Variants in WIPI1 observed in about 807,000 individuals in gnomAD.
WIPI1 encodes the protein WD repeat domain, phosphoinositide interacting 1.
Under a neutral mutation model 55.3 loss-of-function variants are expected in WIPI1, and 45 were observed. The observed-to-expected ratio is 0.81, with a 90% CI of 0.64 to 1.04. The LOEUF is 1.04. Among genes scored for constraint, WIPI1 ranks in the 50% least tolerant of loss-of-function variants. WIPI1 has a pLI of 0.00. For missense variants in WIPI1, 445 were observed against 559.0 expected, an observed-to-expected ratio of 0.80 and a Z score of 2.06; for synonymous variants, 195 against 217.6, an observed-to-expected ratio of 0.90 and a Z score of 0.92.
In WIPI1 at chr17:68,434,629, G is replaced by C; in HGVS notation, c.622-3C>G. ...GAGAACACCCGGATGACTGTGCCCT[G>C]GAAAAGAAAGCAGGTGGACATTTCA... On this transcript the variant is annotated splice_region_variant and splice_polypyrimidine_tract_variant and intron_variant, in intron 6 of 12. Transcript: ENST00000262139. 1 of 1,613,872 alleles carries C rather than the reference G, an allele frequency of 6.2e-7. No individual in the cohort carries two copies. The highest frequency in any genetic ancestry group is 8.5e-7 in the Non-Finnish European group (1 of 1,179,842).
chr17:68,430,081 C>T lies in WIPI1; in HGVS notation c.880G>A (p.Val294Met), dbSNP rs1306779373. Residue 294 changes from valine to methionine, a missense_variant, in exon 9 of 13, where the codon GTG becomes ATG. Transcript: ENST00000262139. ...MAATNYLPTQ[V>M]SDMMHQDRAF... ...CTGTCCTGATGCATCATGTCTGACACCTGGGTAGGGAGGTAGTTGGTAGCA... is the reference window on the plus strand; with the variant it reads ...CTGTCCTGATGCATCATGTCTGACATCTGGGTAGGGAGGTAGTTGGTAGCA... 3 of 1,614,150 alleles carry T rather than the reference C, an allele frequency of 1.9e-6. No homozygotes were observed. The highest frequency in any genetic ancestry group is 2.5e-6 in the Non-Finnish European group (3 of 1,180,028).
intron 12 of WIPI1, among the ~76,000 whole-genome samples, chr17:68,425,244 C>T (rs554504470): frequency 4.9e-4 from 75 of 152,234 alleles, no homozygotes; most frequent in Non-Finnish European, 1.6e-4. Flanking sequence ...CACTCTTTCA[C>T]CTAGGCTGGA....
At chr17:68,449,392 G>T (rs2084409106) in intron 3 of WIPI1, among the ~76,000 whole-genome samples, 1 of 152,186 alleles carries the variant, frequency 6.6e-6, no homozygotes, top group Non-Finnish European at 1.5e-5. Context: ...CACTCTGCGA[G>T]GCCAAGGAGG....
At chr17:68,446,077 T>C (rs2084272118) in intron 3 of WIPI1, among the ~76,000 whole-genome samples, 1 of 152,204 alleles carries the variant, frequency 6.6e-6, no homozygotes, top group African/African-American at 2.4e-5. Flanking sequence ...GCTCTGCTCC[T>C]GGGAAAAGCC....
chr17:68,455,743 T>C (rs2148005215), intron 1 of WIPI1, among the ~76,000 whole-genome samples: 1 of 152,372 alleles, frequency 6.6e-6, no homozygotes, highest in South Asian at 2.1e-4. Flanking sequence ...ATTCAATTTC[T>C]GTAGAAAGCT....
At chr17:68,450,937 A>T in intron 2 of WIPI1, 40 bp from the exon 3 acceptor site, 1 of 1,579,500 alleles carries the variant, frequency 6.3e-7, no homozygotes, top group South Asian at 1.2e-5. Context: ...TGGATTGATC[A>T]CTTCCAAGAA....
intron 4 of WIPI1, among the ~76,000 whole-genome samples, chr17:68,442,278 A>T (rs2084110336): frequency 6.6e-6 from 1 of 152,118 alleles, no homozygotes; most frequent in African/African-American, 2.4e-5. Context: ...AGCCTGGCCA[A>T]CATGGTGAAA....
At chr17:68,426,052 A>C (rs2083149230) in intron 12 of WIPI1, 23 bp downstream of exon 12, 1 of 1,605,228 alleles carries the variant, frequency 6.2e-7, no homozygotes, top group African/African-American at 1.3e-5. Context: ...TGAGCCGCCC[A>C]GTTACGGGTT....
intron 1 of WIPI1, among the ~76,000 whole-genome samples, chr17:68,457,027 C>T (rs2084660779): frequency 6.6e-6 from 1 of 152,200 alleles, no homozygotes; most frequent in African/African-American, 2.4e-5. Context: ...TGGTCACTGG[C>T]TTTCCCACCG....
chr17:68,450,453 C>T (rs953262992), intron 3 of WIPI1, among the ~76,000 whole-genome samples: 7 of 152,162 alleles, frequency 4.6e-5, no homozygotes, highest in South Asian at 2.1e-4. Flanking sequence ...CCCATCCCTG[C>T]GGTGCCCAAT....
intron 3 of WIPI1, among the ~76,000 whole-genome samples, chr17:68,448,095 G>T (rs1487126030): frequency 1.3e-5 from 2 of 151,924 alleles, no homozygotes; most frequent in African/African-American, 4.8e-5. Context: ...CTGTCTGAAG[G>T]CCTGAGGAAG....
intron 2 of WIPI1, 78 bp from the exon 3 acceptor site, chr17:68,450,975 C>A (rs572204039): frequency 2.0e-6 from 3 of 1,516,800 alleles, no homozygotes; most frequent in Non-Finnish European, 2.6e-6. Flanking sequence ...ACACTGGGCC[C>A]GGCGCAGGCC....
intron 1 of WIPI1, among the ~76,000 whole-genome samples, chr17:68,454,161 A>G (rs1392325332): frequency 6.6e-6 from 1 of 152,218 alleles, no homozygotes; most frequent in East Asian, 1.9e-4. Flanking sequence ...GAAAGTAAAC[A>G]TCAAAGTCAA....
intron 12 of WIPI1, 196 bp downstream of exon 12, chr17:68,425,879 C>T (rs776112502): frequency 7.2e-6 from 4 of 556,682 alleles, no homozygotes; most frequent in African/African-American, 1.9e-5. Flanking sequence ...GGGTTTAGCT[C>T]GACACCTAAA....
intron 11 of WIPI1, 28 bp downstream of exon 11, chr17:68,427,107 C>G (rs2083248084): frequency 1.3e-6 from 2 of 1,577,824 alleles, no homozygotes; most frequent in Non-Finnish European, 1.7e-6. Flanking sequence ...GTTGGAGATG[C>G]TCCCCTGTTG....
At chr17:68,451,982 A>G (rs918936103) in intron 2 of WIPI1, among the ~76,000 whole-genome samples, 1 of 152,262 alleles carries the variant, frequency 6.6e-6, no homozygotes, top group Admixed American at 6.5e-5. Context: ...TGTAATAACA[A>G]TAACATCTTA....
chr17:68,424,770 G>C (rs2083046783), intron 12 of WIPI1, among the ~76,000 whole-genome samples: 1 of 152,134 alleles, frequency 6.6e-6, no homozygotes, highest in Non-Finnish European at 1.5e-5. Context: ...GCAGCTACTC[G>C]GGAGGCTGAG....
At chr17:68,437,554 G>GAA (rs1385486704) in intron 4 of WIPI1, among the ~76,000 whole-genome samples, 2 of 133,348 alleles carry the variant, frequency 1.5e-5, no homozygotes, top group Admixed American at 1.5e-4. Context: ...TCTGTCTTAA[G>GAA]AAAAAAAAAA....
Position 68,421,667 on chromosome 17 carries a change from G to A in WIPI1, c.*106C>T. 1 of 1,511,278 alleles carries A rather than the reference G, an allele frequency of 6.6e-7. No homozygotes were observed. Among genetic ancestry groups the A allele is most frequent in the Admixed American group, 1.7e-5 (1 of 59,688 alleles). 93.6% of individuals were successfully genotyped at this position (1,511,278 alleles called of 1,614,324 possible). A position where few individuals can be genotyped will look rare whatever the true frequency, so the allele number is the denominator to read the frequency against. ...AAGCAGTGGAGCACCCGGGATTCCT[G>A]CCCCCCTTTCTGCTCACACAATTGC... is the stretch of plus-strand genomic sequence containing the variant. On this transcript the variant is annotated 3_prime_UTR_variant, in exon 13 of 13. Coordinates refer to ENST00000262139, the MANE Select transcript of WIPI1 (RefSeq NM_017983.7).
Sources: gnomAD v4.1 joint callset for allele counts (sites outside exome capture counted in the v4.1 genomes callset) on GRCh38, gnomAD v4.1.1 for gene constraint, MANE v1.5 for transcripts, NCBI Gene and HGNC (gene_info 2026-07-23, HGNC 2026-07-21) for gene names.